Variants in DTNA observed in about 807,000 individuals in gnomAD.
DTNA encodes the protein dystrophin-related protein 3.
DTNA carries 43 observed loss-of-function variants against 100.7 expected under a neutral mutation model. That is an observed-to-expected ratio of 0.43 (90% CI 0.33 to 0.55). The LOEUF is 0.55. DTNA is among the 20% of genes least tolerant of loss of function. DTNA has a pLI of 0.04. For missense variants in DTNA, 798 were observed against 953.9 expected, an observed-to-expected ratio of 0.84 and a Z score of 2.15; for synonymous variants, 349 against 347.9, an observed-to-expected ratio of 1.00 and a Z score of -0.04.
chr18:34,618,542 A>G (rs558561187), intron 1 of DTNA, among the ~76,000 whole-genome samples: 29 of 152,218 alleles, frequency 1.9e-4, no homozygotes, highest in African/African-American at 6.7e-4. Flanking sequence ...CAGTCTCTCA[A>G]TCATGTGTTA....
chr18:34,811,506 T>C (rs1234973974), intron 5 of DTNA, among the ~76,000 whole-genome samples: 3 of 152,220 alleles, frequency 2.0e-5, no homozygotes, highest in Non-Finnish European at 4.4e-5. Context: ...TCCGAAAGTT[T>C]TAGTGATAAT....
intron 1 of DTNA, among the ~76,000 whole-genome samples, chr18:34,584,793 T>G (rs1274552097): frequency 6.6e-6 from 1 of 151,876 alleles, no homozygotes; most frequent in East Asian, 1.9e-4. Context: ...GAAGAAATCA[T>G]AAGTGTTTTC....
chr18:34,561,407 T>C, intron 1 of DTNA, among the ~76,000 whole-genome samples: 1 of 152,146 alleles, frequency 6.6e-6, no homozygotes, highest in Non-Finnish European at 1.5e-5. Context: ...CGTGCTGTAG[T>C]GAAAGATTAT....
At chr18:34,562,828 C>G (rs1028435543) in intron 1 of DTNA, among the ~76,000 whole-genome samples, 3 of 152,152 alleles carry the variant, frequency 2.0e-5, no homozygotes, top group Middle Eastern at 3.2e-3. Flanking sequence ...ATGACAATCA[C>G]GTTAATCACC....
In DTNA at chr18:34,877,983, T is replaced by C. The variant is rs1603341479; in HGVS notation, c.1993+175T>C. On this transcript the variant is annotated intron_variant, in intron 19 of 22. Coordinates refer to ENST00000444659, the MANE Select transcript of DTNA (RefSeq NM_001386795.1). ...GGTTTTTTTTTTGTTTGTTTGTTTT[T>C]GGTTTTTTGAGACAGGGTGTCTCTG... is the stretch of plus-strand genomic sequence containing the variant. 2.6e-5 allele frequency among the ~76,000 whole-genome samples: 4 copies of C among 152,274 alleles called. No individual in the cohort carries two copies. The South Asian group carries it at 8.3e-4, about 32-fold the overall frequency.
chr18:34,573,404 T>G (rs2849497), intron 1 of DTNA, among the ~76,000 whole-genome samples: 13,988 of 152,224 alleles, frequency 0.092, 647 homozygotes, highest in South Asian at 0.11. Context: ...AATCCCGTTT[T>G]AAGATCTCTC....
At chr18:34,782,799 G>C (rs2094380015) in intron 3 of DTNA, among the ~76,000 whole-genome samples, 1 of 152,190 alleles carries the variant, frequency 6.6e-6, no homozygotes, top group South Asian at 2.1e-4. Flanking sequence ...TTAGCCTGTT[G>C]GGTTTTACTC....
chr18:34,702,844 C>G (rs966873402), intron 1 of DTNA, among the ~76,000 whole-genome samples: 3 of 152,134 alleles, frequency 2.0e-5, no homozygotes, highest in African/African-American at 7.2e-5. Flanking sequence ...TCCTTAGAAT[C>G]TTGGAAAATA....
intron 1 of DTNA, among the ~76,000 whole-genome samples, chr18:34,724,267 ATG>A (rs1160080491): frequency 7.9e-5 from 12 of 152,220 alleles, no homozygotes. Context: ...TATGTACAGA[ATG>A]TCTTTTATAG....
chr18:34,508,564 G>A (rs536725706), intron 1 of DTNA, among the ~76,000 whole-genome samples: 5 of 152,124 alleles, frequency 3.3e-5, no homozygotes, highest in Non-Finnish European at 5.9e-5. Context: ...AAGGTTAAAA[G>A]GTTTTAAAAT....
chr18:34,718,989 CT>C lies in DTNA; in HGVS notation c.-2+8553del, dbSNP rs369355651. On this transcript the variant is annotated intron_variant, in intron 1 of 22. Transcript: ENST00000444659. Reference sequence around the variant, plus strand: ...TTTAACCTATTTAAGGCAATTAACCCTTTTTTTTTGGAGAACAGTCATAGAA... The same window carrying C: ...TTTAACCTATTTAAGGCAATTAACCCTTTTTTTTGGAGAACAGTCATAGAA... Among the ~76,000 whole-genome samples, 1,014 of 150,970 alleles carry C rather than the reference CT, an allele frequency of 6.7e-3. 6 individuals carry two copies. Among genetic ancestry groups the C allele is most frequent in the African/African-American group, 0.022 (900 of 41,164 alleles).
chr18:34,700,539 A>G (rs1193263996), intron 1 of DTNA, among the ~76,000 whole-genome samples: 2 of 152,112 alleles, frequency 1.3e-5, no homozygotes, highest in Non-Finnish European at 2.9e-5. Context: ...TATACCTTCA[A>G]GTCCCTACCT....
At chr18:34,691,612 A>G (rs1044639949) in intron 1 of DTNA, among the ~76,000 whole-genome samples, 3 of 152,236 alleles carry the variant, frequency 2.0e-5, no homozygotes, top group Admixed American at 2.0e-4. Context: ...TTAGCATGTC[A>G]TAATACTGGT....
At chr18:34,862,632 C>G (rs2096643521) in intron 16 of DTNA, among the ~76,000 whole-genome samples, 2 of 151,754 alleles carry the variant, frequency 1.3e-5, no homozygotes, top group Admixed American at 6.6e-5. Context: ...GAAACCATCT[C>G]TTAAAAAAGA....
At chr18:34,551,249 T>G (rs2045380613) in intron 1 of DTNA, among the ~76,000 whole-genome samples, 1 of 152,142 alleles carries the variant, frequency 6.6e-6, no homozygotes, top group African/African-American at 2.4e-5. Flanking sequence ...GTCTCATTCA[T>G]ATGAAGGCCT....
Position 34,794,114 on chromosome 18 carries a change from C to T in DTNA, c.226C>T (p.Leu76Phe). Reference protein sequence around the residue: ...ALNNLDPNTELNVSRLEAVLS... With the variant: ...ALNNLDPNTEFNVSRLEAVLS... ...GAACAACCTGGACCCAAACACTGAACTCAACGTGTCCCGCTTAGAGGCTGT... is the reference window on the plus strand; with the variant it reads ...GAACAACCTGGACCCAAACACTGAATTCAACGTGTCCCGCTTAGAGGCTGT... The change falls in exon 4 of 23, where the codon CTC (leucine) becomes TTC (phenylalanine). Residue 76 changes from leucine to phenylalanine, a missense_variant. Physicochemically the swap from Leu to Phe is conservative, Grantham distance 22 (BLOSUM62 0). Coordinates refer to ENST00000444659, the MANE Select transcript of DTNA (RefSeq NM_001386795.1). 2 of 1,614,176 alleles carry T rather than the reference C, an allele frequency of 1.2e-6. No homozygotes were observed. The highest frequency in any genetic ancestry group is 4.5e-5 in the East Asian group (2 of 44,872).
chr18:34,792,148 A>G (rs1035574847), intron 3 of DTNA, among the ~76,000 whole-genome samples: 2 of 151,596 alleles, frequency 1.3e-5, no homozygotes, highest in East Asian at 1.9e-4. Context: ...TTGGATCTCA[A>G]TGTGCACACA....
chr18:34,807,447 G>A (rs1028185972), intron 5 of DTNA, among the ~76,000 whole-genome samples: 5 of 152,132 alleles, frequency 3.3e-5, no homozygotes, highest in African/African-American at 1.2e-4. Context: ...CATCTGTGTG[G>A]CTCACAGCAC....
chr18:34,825,668 C>G (rs941912188), intron 9 of DTNA, among the ~76,000 whole-genome samples: 2 of 152,110 alleles, frequency 1.3e-5, no homozygotes, highest in South Asian at 4.1e-4. Context: ...AGTGGTAGAC[C>G]TTAAACAAAG....
Sources: gnomAD v4.1 joint callset for allele counts (sites outside exome capture counted in the v4.1 genomes callset) on GRCh38, gnomAD v4.1.1 for gene constraint, MANE v1.5 for transcripts, NCBI Gene and HGNC (gene_info 2026-07-23, HGNC 2026-07-21) for gene names.